Variants in ABCD3 observed in about 807,000 individuals in gnomAD.
ABCD3 encodes ATP binding cassette subfamily D member 3.
In ABCD3, 41 loss-of-function variants were observed where a neutral mutation model predicts 105.5. The ratio of observed to expected loss-of-function variants is 0.39; its 90% CI spans 0.30 to 0.50. The LOEUF is 0.50. Among genes scored for constraint, ABCD3 ranks in the 20% least tolerant of loss-of-function variants. The pLI is 0.84. For missense variants in ABCD3, 622 were observed against 806.3 expected, an observed-to-expected ratio of 0.77 and a Z score of 2.77; for synonymous variants, 258 against 269.0, an observed-to-expected ratio of 0.96 and a Z score of 0.40.
intron 16 of ABCD3, among the ~76,000 whole-genome samples, chr1:94,495,216 A>T (rs1311122567): frequency 6.6e-6 from 1 of 152,240 alleles, no homozygotes; most frequent in Non-Finnish European, 1.5e-5. Context: ...ATTTATGTGT[A>T]GAATTTTTTA....
chr1:94,448,918 A>T (rs934654119), intron 1 of ABCD3, among the ~76,000 whole-genome samples: 4 of 152,240 alleles, frequency 2.6e-5, no homozygotes, highest in African/African-American at 9.6e-5. Flanking sequence ...CCCCATATGC[A>T]ATTGAATCTA....
intron 7 of ABCD3, among the ~76,000 whole-genome samples, chr1:94,477,561 G>A (rs1345467784): frequency 7.1e-6 from 1 of 141,246 alleles, no homozygotes; most frequent in African/African-American, 2.5e-5. Context: ...GGGTGACAGA[G>A]CCAGACCCTG....
At chr1:94,470,631 ATTC>A (rs1359447550) in intron 4 of ABCD3, among the ~76,000 whole-genome samples, 1 of 151,222 alleles carries the variant, frequency 6.6e-6, no homozygotes, top group Non-Finnish European at 1.5e-5. Flanking sequence ...CTAGAAACTT[ATTC>A]TTCATTTGAG....
At chr1:94,474,406 G>A (rs955787586) in intron 5 of ABCD3, among the ~76,000 whole-genome samples, 5 of 151,996 alleles carry the variant, frequency 3.3e-5, no homozygotes, top group African/African-American at 1.2e-4. Context: ...GATTTTCTTA[G>A]GTTGGTTCTC....
chr1:94,461,623 T>C (rs1570774880), intron 2 of ABCD3, among the ~76,000 whole-genome samples: 1 of 152,204 alleles, frequency 6.6e-6, no homozygotes, highest in East Asian at 1.9e-4. Context: ...AGACCTGCTC[T>C]TTCATATTCT....
intron 10 of ABCD3, among the ~76,000 whole-genome samples, chr1:94,486,801 G>C (rs536372284): frequency 6.6e-6 from 1 of 152,218 alleles, no homozygotes; most frequent in East Asian, 1.9e-4. Context: ...AGTGAGAAGA[G>C]CAAGAGGAAA....
chr1:94,450,482 G>C (rs552167222), intron 1 of ABCD3, among the ~76,000 whole-genome samples: 1 of 152,354 alleles, frequency 6.6e-6, no homozygotes, highest in Admixed American at 6.5e-5. Flanking sequence ...ACCGCTTAAG[G>C]CTTTCTTAAA....
chr1:94,513,281 T>C (rs1335389928), intron 21 of ABCD3, among the ~76,000 whole-genome samples: 1 of 152,092 alleles, frequency 6.6e-6, no homozygotes, highest in African/African-American at 2.4e-5. Context: ...AGTCTGCAGT[T>C]GATTCAATGA....
At chr1:94,478,384 C>A in intron 8 of ABCD3, 69 bp downstream of exon 8, 1 of 1,276,062 alleles carries the variant, frequency 7.8e-7, no homozygotes, top group Non-Finnish European at 1.1e-6. Context: ...TTGTGAATAG[C>A]TTGATGGCCT....
intron 4 of ABCD3, chr1:94,472,101 TC>T (rs2100989850): frequency 2.5e-6 from 1 of 396,676 alleles, no homozygotes; most frequent in African/African-American, 2.2e-5. Flanking sequence ...TTATAAAGAT[TC>T]TTAAACATTT....
At chr1:94,508,465 G>A (rs546648086) in intron 21 of ABCD3, among the ~76,000 whole-genome samples, 4 of 151,808 alleles carry the variant, frequency 2.6e-5, no homozygotes, top group African/African-American at 9.7e-5. Flanking sequence ...GGATTGACTT[G>A]GCGATGCGTG....
At chr1:94,445,418 G>A (rs1353227194) in intron 1 of ABCD3, among the ~76,000 whole-genome samples, 30 of 152,218 alleles carry the variant, frequency 2.0e-4, no homozygotes, top group Admixed American at 2.0e-3. Flanking sequence ...TGGTGGGTAA[G>A]AAGGGGAGCT....
chr1:94,463,789 T>C (rs575035370), intron 2 of ABCD3, among the ~76,000 whole-genome samples: 81 of 152,316 alleles, frequency 5.3e-4, no homozygotes, highest in Admixed American at 5.3e-3. Context: ...TAAATCCCTC[T>C]ACACTCACAG....
Position 94,489,791 on chromosome 1 carries a change from C to G in ABCD3, c.1224C>G (p.Arg408=). 1 of 1,613,174 alleles carries G rather than the reference C, an allele frequency of 6.2e-7. No homozygotes were observed. The highest frequency in any genetic ancestry group is 1.1e-5 in the South Asian group (1 of 91,042). Residue 408 remains arginine, a synonymous_variant, in exon 14 of 23, where the codon CGC becomes CGG. Transcript: ENST00000370214. ...LKDLNHGKYE[R]TMVSQQEKGI... ...ATTTAAATCATGGCAAATATGAGCG[C>G]ACAATGGTCTCACAACAGGAAAAGG... is the stretch of plus-strand genomic sequence containing the variant.
chr1:94,412,413 G>T, the ABCD3 span, among the ~76,000 whole-genome samples: 1 of 151,898 alleles, frequency 6.6e-6, no homozygotes, highest in African/African-American at 2.4e-5. Flanking sequence ...ATATTCTTCC[G>T]CACCTGGCTT....
rs757515840 is a variant in ABCD3 at position 94,489,735 on chromosome 1, C to T, written c.1168C>T (p.Arg390Trp). ...TTTCTAAAATTTTAGTTTTACTGCT[C>T]GGATTACAGAATTAATGCAAGTACT... Reference protein sequence around the residue: ...EMTRLAGFTARITELMQVLKD... With the variant: ...EMTRLAGFTAWITELMQVLKD... Residue 390 changes from arginine (R) to tryptophan (W), a missense_variant, in exon 14 of 23, where the codon CGG becomes TGG. Physicochemically the swap from Arg to Trp is moderately radical, Grantham distance 101. This residue lies in a region of ABCD3 where 285 missense variants were observed against 352.5 expected (regional missense o/e 0.81). Transcript: ENST00000370214. 6.2e-7 allele frequency: 1 copy of T among 1,612,314 alleles called. No homozygotes were observed.
At chr1:94,485,198 T>A (rs991383345) in intron 10 of ABCD3, among the ~76,000 whole-genome samples, 20 of 152,336 alleles carry the variant, frequency 1.3e-4, no homozygotes, top group African/African-American at 4.6e-4. Context: ...TAATTGCCAC[T>A]TGGAAAATTT....
the ABCD3 span, among the ~76,000 whole-genome samples, chr1:94,401,956 T>C: frequency 6.6e-6 from 1 of 152,234 alleles, no homozygotes; most frequent in Non-Finnish European, 1.5e-5. Flanking sequence ...TCATGCCATC[T>C]TCCAGTGGAT....
chr1:94,484,272 A>G (rs944680174), intron 10 of ABCD3, among the ~76,000 whole-genome samples: 9 of 152,194 alleles, frequency 5.9e-5, no homozygotes, highest in Non-Finnish European at 1.0e-4. Flanking sequence ...ATTTGACCCA[A>G]CCATCCCATT....
Sources: allele counts gnomAD v4.1 joint callset (sites outside exome capture counted in the v4.1 genomes callset), GRCh38; gene constraint gnomAD v4.1.1; regional missense constraint gnomAD v4.1.1; transcripts MANE v1.5; gene names NCBI Gene and HGNC (gene_info 2026-07-23, HGNC 2026-07-21).